POU6F2: variants seen among roughly 807,000 people sequenced by gnomAD.
POU6F2 encodes the protein POU class 6 homeobox 2, also known as POU domain, class 6, transcription factor 2.
In POU6F2, 31 loss-of-function variants were observed where a neutral mutation model predicts 71.3. The ratio of observed to expected loss-of-function variants is 0.43; its 90% confidence interval spans 0.33 to 0.59. The LOEUF is 0.59. Among genes scored for constraint, POU6F2 ranks in the 20% least tolerant of loss-of-function variants. The pLI is 0.04. For synonymous variants in POU6F2, 347 were observed against 355.7 expected (o/e 0.98, Z 0.27); for missense variants, 783 against 856.8 (o/e 0.91, Z 1.07).
At chr7:39,260,348 CATACA>C (rs1784110211) in intron 4 of POU6F2, among the ~76,000 whole-genome samples, 1 of 151,146 alleles carries the variant, frequency 6.6e-6, no homozygotes, top group African/African-American at 2.4e-5. Flanking sequence ...ACTCTATACA[CATACA>C]ACACACATAC....
At chr7:39,447,293 G>A (rs1187748783) in intron 7 of POU6F2, among the ~76,000 whole-genome samples, 1 of 152,168 alleles carries the variant, frequency 6.6e-6, no homozygotes, top group Admixed American at 6.5e-5. Context: ...ACTTGAAAGT[G>A]TAGCTCACCA....
At chr7:39,281,591 T>C (rs1464100314) in intron 4 of POU6F2, among the ~76,000 whole-genome samples, 2 of 152,224 alleles carry the variant, frequency 1.3e-5, no homozygotes, top group African/African-American at 4.8e-5. Flanking sequence ...CCTAACATAA[T>C]GTCTTCCAGA....
At chr7:38,997,747 C>T (rs1788778681) in intron 1 of POU6F2, among the ~76,000 whole-genome samples, 1 of 152,040 alleles carries the variant, frequency 6.6e-6, no homozygotes, top group African/African-American at 2.4e-5. Flanking sequence ...CCAGATACAA[C>T]AAGGTCCCAG....
At chr7:39,206,001 C>T (rs1190652848) in intron 3 of POU6F2, among the ~76,000 whole-genome samples, 2 of 152,198 alleles carry the variant, frequency 1.3e-5, no homozygotes, top group Admixed American at 1.3e-4. Flanking sequence ...CTTGAACCCC[C>T]TCTCAACTAG....
rs185989418 is a variant in POU6F2, at chr7:38,997,639, C to T, written c.105+19581C>T. Among the ~76,000 whole-genome samples the T allele has an allele frequency of 1.5e-3, 230 of 152,284 alleles. 1 individual carries two copies. The highest frequency in any genetic ancestry group is 0.014 in the Middle Eastern group (4 of 294). ...TATGTGTTCAGCACACAGCCTTGAA[C>T]CTAGACCCACCAAACACAAACATTG... is the stretch of plus-strand genomic sequence containing the variant. On this transcript the variant is annotated intron_variant, in intron 1 of 9. Coordinates refer to ENST00000518318, the MANE Select transcript of POU6F2 (RefSeq NM_001370959.1).
intron 4 of POU6F2, among the ~76,000 whole-genome samples, chr7:39,302,620 C>T (rs1038189050): frequency 6.6e-6 from 1 of 152,176 alleles, no homozygotes; most frequent in Admixed American, 6.5e-5. Context: ...ACAAGACATA[C>T]AGAATTTCAA....
intron 1 of POU6F2, among the ~76,000 whole-genome samples, chr7:39,052,744 C>A (rs1790422817): frequency 6.6e-6 from 1 of 152,144 alleles, no homozygotes; most frequent in Admixed American, 6.6e-5. Context: ...CTATGGTGCT[C>A]TTCTTCCTTG....
At chr7:39,302,727 C>T (rs1003927773) in intron 4 of POU6F2, among the ~76,000 whole-genome samples, 1 of 152,140 alleles carries the variant, frequency 6.6e-6, no homozygotes, top group Non-Finnish European at 1.5e-5. Context: ...TATGCGTAAC[C>T]ACATCCTTTC....
intron 2 of POU6F2, among the ~76,000 whole-genome samples, chr7:39,189,446 T>C (rs956317380): frequency 1.3e-5 from 2 of 152,218 alleles, no homozygotes; most frequent in Admixed American, 1.3e-4. Context: ...TTGCATAGGC[T>C]GGAGTGCAGT....
chr7:39,054,480 C>T (rs987592930), intron 1 of POU6F2, among the ~76,000 whole-genome samples: 1 of 152,000 alleles, frequency 6.6e-6, no homozygotes, highest in African/African-American at 2.4e-5. Flanking sequence ...TTGGCTTATC[C>T]TTAATCTTTT....
At chr7:39,097,645 A>C (rs1268022533) in intron 2 of POU6F2, among the ~76,000 whole-genome samples, 1 of 152,238 alleles carries the variant, frequency 6.6e-6, no homozygotes, top group Non-Finnish European at 1.5e-5. Context: ...GGAACAGTGA[A>C]TTGATCCATT....
At chr7:39,094,210 G>C (rs1791410126) in intron 2 of POU6F2, among the ~76,000 whole-genome samples, 1 of 152,070 alleles carries the variant, frequency 6.6e-6, no homozygotes, top group Non-Finnish European at 1.5e-5. Context: ...CGGGAGACAA[G>C]AAGATTCCTC....
intron 1 of POU6F2, among the ~76,000 whole-genome samples, chr7:39,029,143 T>A (rs1029656741): frequency 6.6e-6 from 1 of 152,124 alleles, no homozygotes. Context: ...TTAACACAAA[T>A]TTTTCAACTT....
In POU6F2 at chr7:38,998,666, T is replaced by C. The variant is rs1170723827; in HGVS notation, c.105+20608T>C. On this transcript the variant is annotated intron_variant, in intron 1 of 9. Coordinates refer to ENST00000518318, the MANE Select transcript of POU6F2 (RefSeq NM_001370959.1). ...TGGTGTTAATCACATTTTTTTTTTTTTTGAGACAGTATCTTGCTCTGTCAC... is the reference window on the plus strand; with the variant it reads ...TGGTGTTAATCACATTTTTTTTTTTCTTGAGACAGTATCTTGCTCTGTCAC... 4.6e-5 allele frequency among the ~76,000 whole-genome samples: 7 copies of C among 151,912 alleles called. No individual in the cohort carries two copies. The East Asian group carries it at 1.4e-3, about 29-fold the overall frequency.
intron 1 of POU6F2, among the ~76,000 whole-genome samples, chr7:39,000,185 TG>T (rs945398742): frequency 9.4e-4 from 143 of 152,236 alleles, no homozygotes; most frequent in African/African-American, 3.3e-3. Context: ...CCAGCAAGCA[TG>T]TTTGGGGGGA....
At chr7:39,400,792 T>C (rs1787281573) in intron 5 of POU6F2, among the ~76,000 whole-genome samples, 1 of 152,194 alleles carries the variant, frequency 6.6e-6, no homozygotes, top group Non-Finnish European at 1.5e-5. Flanking sequence ...AAATAAAATA[T>C]AATTAATTCT....
chr7:39,224,621 T>C (rs965996569), intron 4 of POU6F2, among the ~76,000 whole-genome samples: 2 of 152,108 alleles, frequency 1.3e-5, no homozygotes, highest in Non-Finnish European at 2.9e-5. Context: ...GTTAGCAAAC[T>C]TGAAAATTTA....
At chr7:39,132,100 G>A (rs1048088241) in intron 2 of POU6F2, among the ~76,000 whole-genome samples, 9 of 152,170 alleles carry the variant, frequency 5.9e-5, no homozygotes, top group African/African-American at 1.4e-4. Context: ...TAGGCCATAT[G>A]AGAGGCATCT....
At chr7:39,059,017 A>G (rs1047173941) in intron 1 of POU6F2, among the ~76,000 whole-genome samples, 3 of 152,206 alleles carry the variant, frequency 2.0e-5, no homozygotes, top group East Asian at 1.9e-4. Context: ...ATAAAAATGT[A>G]AAAAATAAAC....
Sources: gnomAD v4.1 joint callset for allele counts (sites outside exome capture counted in the v4.1 genomes callset) on GRCh38, gnomAD v4.1.1 for gene constraint, MANE v1.5 for transcripts, NCBI Gene and HGNC (gene_info 2026-07-23, HGNC 2026-07-21) for gene names.